The following CEP63 variants were observed in gnomAD, a reference collection of about 807,000 sequenced individuals.
The protein encoded by CEP63 is centrosomal protein 63.
A neutral mutation model predicts 89.1 loss-of-function variants in CEP63; 84 were observed. The ratio of observed to expected loss-of-function variants is 0.94; its 90% CI spans 0.79 to 1.13. The LOEUF (loss-of-function observed/expected upper bound fraction) is 1.13, where lower values mean the gene tolerates loss of function less well. Among genes scored for constraint, CEP63 ranks in the 50% most tolerant of loss-of-function variants. CEP63 has a pLI of 0.00. For synonymous variants in CEP63, 267 were observed against 272.5 expected, an observed-to-expected ratio of 0.98 and a Z score of 0.20; for missense variants, 838 against 813.3, an observed-to-expected ratio of 1.03 and a Z score of -0.37.
At chr3:134,761,611 G>A in the CEP63 span, among the ~76,000 whole-genome samples, 1 of 152,178 alleles carries the variant, frequency 6.6e-6, no homozygotes, top group Non-Finnish European at 1.5e-5. Context: ...GCCACCCTGG[G>A]CAATGAGGAG....
chr3:134,643,376 TTTCTA>T, the CEP63 span: 1 of 1,613,666 alleles, frequency 6.2e-7, no homozygotes, highest in Non-Finnish European at 8.5e-7. Flanking sequence ...TCCACCAAGT[TTTCTA>T]TTTAAGGAAG....
the CEP63 span, among the ~76,000 whole-genome samples, chr3:134,704,233 G>C: frequency 2.5e-3 from 388 of 152,250 alleles, no homozygotes; most frequent in Non-Finnish European, 3.7e-3. Flanking sequence ...TTTGAAGCAG[G>C]CTTGGGTATC....
the CEP63 span, chr3:134,641,295 T>TA: frequency 1.3e-5 from 2 of 152,194 alleles, no homozygotes; most frequent in South Asian, 4.1e-4. Context: ...TGTTACCTAA[T>TA]ATGGTAAAGA....
chr3:134,728,406 C>T, the CEP63 span, among the ~76,000 whole-genome samples: 3 of 152,158 alleles, frequency 2.0e-5, no homozygotes, highest in Admixed American at 6.5e-5. Flanking sequence ...TTGTGATTTA[C>T]GTATAGGAAT....
At chr3:134,652,452 CCA>C in the CEP63 span, among the ~76,000 whole-genome samples, 5 of 150,282 alleles carry the variant, frequency 3.3e-5, no homozygotes, top group African/African-American at 1.2e-4. Flanking sequence ...GCGCCCCCCC[CCA>C]CCACCCCACC....
At chr3:134,609,854 G>A in the CEP63 span, among the ~76,000 whole-genome samples, 1 of 152,262 alleles carries the variant, frequency 6.6e-6, no homozygotes, top group African/African-American at 2.4e-5. Flanking sequence ...AATGGCCAAA[G>A]TCTGGAAGGG....
the CEP63 span, among the ~76,000 whole-genome samples, chr3:134,654,294 C>A: frequency 1.3e-5 from 2 of 152,144 alleles, no homozygotes; most frequent in Non-Finnish European, 2.9e-5. Context: ...TGTGTTTTGA[C>A]CCCCACTGTT....
intron 9 of CEP63, 142 bp downstream of exon 9, chr3:134,547,614 C>CTTTTTTGTTTTTTTTT: frequency 3.7e-6 from 1 of 268,922 alleles, no homozygotes; most frequent in Non-Finnish European, 6.5e-6. Context: ...GTTCTTATTT[C>CTTTTTTGTTTTTTTTT]TTTTTTTTTT....
At chr3:134,756,293 TCTTAGCA>T in the CEP63 span, among the ~76,000 whole-genome samples, 1 of 152,348 alleles carries the variant, frequency 6.6e-6, no homozygotes, top group East Asian at 1.9e-4. Context: ...GAAACTTTCA[TCTTAGCA>T]CTGTACTTTT....
chr3:134,630,024 G>A, the CEP63 span, among the ~76,000 whole-genome samples: 1 of 152,200 alleles, frequency 6.6e-6, no homozygotes, highest in Admixed American at 6.5e-5. Flanking sequence ...AATTTTTAAA[G>A]CATTAGCAAA....
At chr3:134,533,872 T>C (rs575893099) in intron 5 of CEP63, among the ~76,000 whole-genome samples, 25 of 152,340 alleles carry the variant, frequency 1.6e-4, no homozygotes, top group Non-Finnish European at 3.4e-4. Context: ...ATTTCTGTGT[T>C]TAATATTCCT....
the CEP63 span, among the ~76,000 whole-genome samples, chr3:134,640,360 G>A: frequency 2.6e-5 from 4 of 152,228 alleles, no homozygotes; most frequent in East Asian, 1.9e-4. Context: ...TCTGGTATGC[G>A]ACTTCAGGCA....
At chr3:134,613,308 G>T in the CEP63 span, 2,127 of 152,992 alleles carry the variant, frequency 0.014, 24 homozygotes, top group Non-Finnish European at 0.02. Context: ...GTCCTAGGCC[G>T]TGTGCCCAGG....
Position 134,562,195 on chromosome 3 carries a change from G to C in CEP63, c.*660G>C, listed in dbSNP as rs1456332423. ...CATGGAATATCCATTGGAAATAAAT[G>C]TTCATCGTCTGCACTGCTGAGGACA... On this transcript the variant is annotated 3_prime_UTR_variant, in exon 15 of 15. Coordinates refer to ENST00000675561, the MANE Select transcript of CEP63 (RefSeq NM_001353108.3). The C allele has an allele frequency of 1.0e-6, 1 of 986,146 alleles. No homozygotes were observed. The highest frequency in any genetic ancestry group is 6.1e-5 in the Admixed American group (1 of 16,316). The allele number at this position is 986,146 out of a possible 1,614,324, so 61.1% of individuals were successfully genotyped here. A position where few individuals can be genotyped will look rare whatever the true frequency, so the allele number is the denominator to read the frequency against.
chr3:134,677,919 C>T, the CEP63 span, among the ~76,000 whole-genome samples: 2 of 151,950 alleles, frequency 1.3e-5, no homozygotes, highest in Non-Finnish European at 2.9e-5. Context: ...GTCCCTATCA[C>T]TACCACCCTC....
the CEP63 span, among the ~76,000 whole-genome samples, chr3:134,624,869 C>T: frequency 6.6e-6 from 1 of 152,160 alleles, no homozygotes; most frequent in Admixed American, 6.5e-5. Flanking sequence ...TGGCCTCTGG[C>T]TCTGGGCAGG....
the CEP63 span, among the ~76,000 whole-genome samples, chr3:134,674,052 C>T: frequency 6.6e-6 from 1 of 152,226 alleles, no homozygotes; most frequent in Non-Finnish European, 1.5e-5. Flanking sequence ...TGGTTGTGCA[C>T]ATGAACCAAT....
At chr3:134,488,741 C>A (rs1161890604) in intron 1 of CEP63, among the ~76,000 whole-genome samples, 1 of 152,168 alleles carries the variant, frequency 6.6e-6, no homozygotes, top group East Asian at 1.9e-4. Flanking sequence ...GAAACAGGTC[C>A]CTGGTGCCAA....
At chr3:134,669,156 G>A in the CEP63 span, among the ~76,000 whole-genome samples, 2 of 152,114 alleles carry the variant, frequency 1.3e-5, no homozygotes, top group East Asian at 3.9e-4. Context: ...CTCTCGAGTA[G>A]CTGGGACTGC....
Sources: allele counts gnomAD v4.1 joint callset (sites outside exome capture counted in the v4.1 genomes callset), GRCh38; gene constraint gnomAD v4.1.1; transcripts MANE v1.5; gene names NCBI Gene and HGNC (gene_info 2026-07-23, HGNC 2026-07-21).